The following NXPE2 variants were observed in gnomAD, a reference collection of about 807,000 sequenced individuals.
NXPE2 encodes the protein NXPE family member 2.
NXPE2 carries 34 observed loss-of-function variants against 34.4 expected under a neutral mutation model. The ratio of observed to expected loss-of-function variants is 0.99; its 90% CI spans 0.75 to 1.31. The LOEUF is 1.31. Among genes scored for constraint, NXPE2 ranks in the 40% most tolerant of loss-of-function variants. NXPE2 has a pLI of 0.00. For missense variants in NXPE2, 649 were observed against 672.5 expected, an observed-to-expected ratio of 0.97 and a Z score of 0.39; for synonymous variants, 235 against 231.3, an observed-to-expected ratio of 1.02 and a Z score of -0.15.
chr11:114,507,802 A>C, the NXPE2 span, among the ~76,000 whole-genome samples: 1 of 151,944 alleles, frequency 6.6e-6, no homozygotes, highest in African/African-American at 2.4e-5. Context: ...AATGGGCAAA[A>C]GCTGGAAGCA....
the NXPE2 span, among the ~76,000 whole-genome samples, chr11:114,563,727 A>G: frequency 6.6e-6 from 1 of 152,192 alleles, no homozygotes; most frequent in Non-Finnish European, 1.5e-5. Flanking sequence ...AAAATGCTCA[A>G]CATCACTAAT....
At chr11:114,755,006 G>A in the NXPE2 span, among the ~76,000 whole-genome samples, 6 of 152,248 alleles carry the variant, frequency 3.9e-5, no homozygotes, top group East Asian at 1.2e-3. Flanking sequence ...AGTAAGTTGC[G>A]ATCTATGAGA....
the NXPE2 span, among the ~76,000 whole-genome samples, chr11:114,626,172 C>T: frequency 1.3e-5 from 2 of 152,162 alleles, no homozygotes; most frequent in Non-Finnish European, 2.9e-5. Flanking sequence ...GTGGAGCCCA[C>T]CACAGCTTAA....
At chr11:114,582,540 C>T in the NXPE2 span, 5 of 1,614,066 alleles carry the variant, frequency 3.1e-6, no homozygotes, top group Admixed American at 8.3e-5. Context: ...GTTCCTTGCA[C>T]TCCAGAGAGC....
the NXPE2 span, among the ~76,000 whole-genome samples, chr11:114,733,119 C>T: frequency 6.6e-6 from 1 of 151,946 alleles, no homozygotes; most frequent in Admixed American, 6.6e-5. Context: ...TTTGTTTTGA[C>T]GGAGTCTCGC....
At chr11:114,650,352 G>T in the NXPE2 span, among the ~76,000 whole-genome samples, 1 of 152,172 alleles carries the variant, frequency 6.6e-6, no homozygotes, top group East Asian at 1.9e-4. Flanking sequence ...CAGAAAAGAG[G>T]ATGTCACAAT....
At chr11:114,610,329 A>G in the NXPE2 span, among the ~76,000 whole-genome samples, 1 of 151,690 alleles carries the variant, frequency 6.6e-6, no homozygotes, top group African/African-American at 2.4e-5. Flanking sequence ...CCGGTGAATA[A>G]TAAGTATGGC....
At chr11:114,732,777 T>C in the NXPE2 span, among the ~76,000 whole-genome samples, 2 of 152,178 alleles carry the variant, frequency 1.3e-5, no homozygotes, top group Non-Finnish European at 2.9e-5. Flanking sequence ...CCTTTCATAC[T>C]CTCTAATTGT....
the NXPE2 span, among the ~76,000 whole-genome samples, chr11:114,472,128 A>C: frequency 5.9e-5 from 9 of 152,204 alleles, no homozygotes; most frequent in Non-Finnish European, 1.3e-4. Context: ...GCATATACAG[A>C]GTCTGTGTGC....
At chr11:114,539,957 A>G in the NXPE2 span, among the ~76,000 whole-genome samples, 33 of 152,192 alleles carry the variant, frequency 2.2e-4, no homozygotes, top group Non-Finnish European at 4.4e-4. Flanking sequence ...TGCATTAAAG[A>G]CCTTAATACG....
the NXPE2 span, among the ~76,000 whole-genome samples, chr11:114,642,647 T>C: frequency 6.6e-6 from 1 of 152,150 alleles, no homozygotes. Flanking sequence ...CCACATCTTC[T>C]TTATCCAGTC....
chr11:114,607,567 C>T, the NXPE2 span, among the ~76,000 whole-genome samples: 1 of 152,024 alleles, frequency 6.6e-6, no homozygotes, highest in Admixed American at 6.6e-5. Flanking sequence ...TCGTGGGTAA[C>T]CACAGTTACC....
At chr11:114,505,454 A>ATCC in the NXPE2 span, among the ~76,000 whole-genome samples, 2,061 of 152,246 alleles carry the variant, frequency 0.014, 37 homozygotes, top group African/African-American at 0.047. Context: ...ATGACAGAAA[A>ATCC]AATGTTAAAG....
At chr11:114,811,086 C>CA in the NXPE2 span, among the ~76,000 whole-genome samples, 4 of 148,478 alleles carry the variant, frequency 2.7e-5, no homozygotes, top group Admixed American at 6.9e-5. Flanking sequence ...ATCACAAGGA[C>CA]AAAAAACCAA....
intron 3 of NXPE2, among the ~76,000 whole-genome samples, chr11:114,700,695 A>C (rs1324173054): frequency 6.6e-6 from 1 of 152,162 alleles, no homozygotes; most frequent in African/African-American, 2.4e-5. Flanking sequence ...GTAAAATAAT[A>C]CAATCTGGAG....
the NXPE2 span, among the ~76,000 whole-genome samples, chr11:114,754,914 G>T: frequency 6.6e-6 from 1 of 152,158 alleles, no homozygotes; most frequent in African/African-American, 2.4e-5. Context: ...ATTTGTCAAT[G>T]ATGTGGAAAT....
chr11:114,804,405 GA>G, the NXPE2 span, among the ~76,000 whole-genome samples: 1 of 152,202 alleles, frequency 6.6e-6, no homozygotes, highest in Admixed American at 6.5e-5. Context: ...AACATGAAAT[GA>G]TCAAATCCTT....
At chr11:114,597,155 T>C in the NXPE2 span, among the ~76,000 whole-genome samples, 6 of 152,184 alleles carry the variant, frequency 3.9e-5, no homozygotes, top group African/African-American at 1.2e-4. Context: ...GTAACCCTGG[T>C]ATAACCACTA....
At chr11:114,621,541 G>C in the NXPE2 span, among the ~76,000 whole-genome samples, 5 of 152,108 alleles carry the variant, frequency 3.3e-5, no homozygotes, top group African/African-American at 1.2e-4. Flanking sequence ...TTAAACAGTG[G>C]ATAATAAGTA....
Sources: gnomAD v4.1 joint callset for allele counts (sites outside exome capture counted in the v4.1 genomes callset) on GRCh38, gnomAD v4.1.1 for gene constraint, MANE v1.5 for transcripts, NCBI Gene and HGNC (gene_info 2026-07-23, HGNC 2026-07-21) for gene names.